HDAC9: variants seen among roughly 807,000 people sequenced by gnomAD.
The protein encoded by HDAC9 is MEF-2 interacting transcription repressor (MITR) protein.
In HDAC9, 41 loss-of-function variants were observed where a neutral mutation model predicts 139.4. That is an observed-to-expected ratio of 0.29 (90% CI 0.23 to 0.38). The LOEUF (loss-of-function observed/expected upper bound fraction) is 0.38, where lower values mean the gene tolerates loss of function less well. Ranked by LOEUF, HDAC9 falls within the 10% of genes least tolerant of loss-of-function variation. HDAC9 has a pLI of 1.00. For synonymous variants in HDAC9, 517 were observed against 476.2 expected (o/e 1.09, Z -1.12); for missense variants, 1,147 against 1,297.0 (o/e 0.88, Z 1.78).
At chr7:18,354,960 G>GTTTC (rs1554387926) in intron 1 of HDAC9, among the ~76,000 whole-genome samples, 2 of 152,138 alleles carry the variant, frequency 1.3e-5, no homozygotes, top group Non-Finnish European at 2.9e-5. Flanking sequence ...TGGTCTTGAA[G>GTTTC]AGCCATAGAG....
rs1357934149 is a variant in HDAC9 at position 18,998,023 on chromosome 7, C to CCAAT, written c.*1964_*1967dup. The CCAAT allele has an allele frequency of 5.3e-5, 8 of 151,952 alleles. No individual in the cohort carries two copies. The highest frequency in any genetic ancestry group is 1.9e-4 in the African/African-American group (8 of 41,368). The allele number at this position is 151,952 out of a possible 1,614,324, so 9.4% of individuals were successfully genotyped here. ...ATTTTATTTTCATGAGAAATTCATA[C>CCAAT]CAATCATATTTGCTAGCTTATGTTA... On this transcript the variant is annotated 3_prime_UTR_variant, in exon 26 of 26. Transcript: ENST00000686413.
At chr7:18,311,307 T>C (rs1799303765) in intron 1 of HDAC9, among the ~76,000 whole-genome samples, 1 of 152,126 alleles carries the variant, frequency 6.6e-6, no homozygotes. Flanking sequence ...GGTACATATA[T>C]ACTTCCTTTA....
chr7:18,096,560 A>G (rs1782513084), intron 1 of HDAC9, among the ~76,000 whole-genome samples: 1 of 152,204 alleles, frequency 6.6e-6, no homozygotes, highest in Admixed American at 6.5e-5. Flanking sequence ...CACAGTTGCA[A>G]ATGTTAATTG....
intron 1 of HDAC9, among the ~76,000 whole-genome samples, chr7:18,488,365 T>G (rs1796124040): frequency 6.6e-6 from 1 of 152,036 alleles, no homozygotes; most frequent in East Asian, 1.9e-4. Flanking sequence ...ACTGATACAT[T>G]CAGGCATATG....
chr7:18,788,925 G>A (rs150636462), intron 16 of HDAC9, among the ~76,000 whole-genome samples: 1 of 152,100 alleles, frequency 6.6e-6, no homozygotes, highest in Non-Finnish European at 1.5e-5. Context: ...AGGACCAGAA[G>A]AGATGGATTT....
Position 18,748,996 on chromosome 7 carries a change from G to T in HDAC9, c.1910-9G>T, listed in dbSNP as rs1788222351. 6.2e-7 allele frequency: 1 copy of T among 1,612,652 alleles called. No homozygotes were observed. Among genetic ancestry groups the T allele is most frequent in the Admixed American group, 1.7e-5 (1 of 59,834 alleles). On this transcript the variant is annotated splice_polypyrimidine_tract_variant and intron_variant, in intron 13 of 25. Coordinates refer to ENST00000686413, the MANE Select transcript of HDAC9 (RefSeq NM_178425.4). ...CTCAATCTTGTCCTGTATTTCCCTT[G>T]TCTTAAAGGAATTGCCTATGACCCC...
intron 2 of HDAC9, among the ~76,000 whole-genome samples, chr7:18,183,201 G>A (rs371504440): frequency 4.7e-4 from 71 of 150,854 alleles, no homozygotes; most frequent in African/African-American, 1.5e-3. Context: ...AGTAGAGACG[G>A]GGTTTCACCG....
chr7:18,973,234 C>T (rs1408928437), intron 24 of HDAC9, among the ~76,000 whole-genome samples: 1 of 152,114 alleles, frequency 6.6e-6, no homozygotes, highest in Non-Finnish European at 1.5e-5. Context: ...GCTAGTTTGT[C>T]TTTCCTCTAG....
chr7:18,566,323 T>TAAA (rs1822333476), intron 2 of HDAC9, among the ~76,000 whole-genome samples: 1 of 152,250 alleles, frequency 6.6e-6, no homozygotes, highest in African/African-American at 2.4e-5. Flanking sequence ...TCAGAGTTCC[T>TAAA]GCTTTCAATT....
intron 17 of HDAC9, among the ~76,000 whole-genome samples, chr7:18,800,581 C>G (rs1388445424): frequency 6.6e-6 from 1 of 151,914 alleles, no homozygotes; most frequent in South Asian, 2.1e-4. Context: ...GCCTGTAATC[C>G]CAGCACTTAA....
intron 1 of HDAC9, among the ~76,000 whole-genome samples, chr7:18,480,325 CTA>C (rs1795457110): frequency 6.6e-6 from 1 of 152,128 alleles, no homozygotes. Context: ...GAGTCCGAAT[CTA>C]TGTTTTTTCT....
At chr7:18,302,268 T>C (rs563135661) in intron 1 of HDAC9, among the ~76,000 whole-genome samples, 4 of 152,332 alleles carry the variant, frequency 2.6e-5, no homozygotes, top group Admixed American at 2.0e-4. Context: ...AGTTCTCTAA[T>C]TGTGGTTCTG....
intron 22 of HDAC9, among the ~76,000 whole-genome samples, chr7:18,923,480 G>A (rs1009119202): frequency 3.3e-5 from 5 of 151,932 alleles, no homozygotes; most frequent in African/African-American, 1.2e-4. Flanking sequence ...TACATACCCA[G>A]CTATTCCCCA....
intron 1 of HDAC9, among the ~76,000 whole-genome samples, chr7:18,378,998 G>A (rs1785212975): frequency 1.3e-5 from 2 of 152,152 alleles, no homozygotes; most frequent in Non-Finnish European, 2.9e-5. Flanking sequence ...TTGCTTTTTA[G>A]AAGATTTATA....
chr7:18,362,279 C>T (rs1783842388), intron 1 of HDAC9, among the ~76,000 whole-genome samples: 1 of 152,172 alleles, frequency 6.6e-6, no homozygotes, highest in Admixed American at 6.5e-5. Flanking sequence ...GAATAGAAAT[C>T]TGTGATGCTT....
chr7:18,305,324 G>T (rs985522622), intron 1 of HDAC9, among the ~76,000 whole-genome samples: 1 of 152,064 alleles, frequency 6.6e-6, no homozygotes, highest in East Asian at 1.9e-4. Context: ...CACATAGCAG[G>T]TTCTCAATAA....
chr7:18,271,645 T>C (rs1159815521), intron 2 of HDAC9, among the ~76,000 whole-genome samples: 1 of 152,212 alleles, frequency 6.6e-6, no homozygotes, highest in East Asian at 1.9e-4. Flanking sequence ...ACATTTTTAT[T>C]AAGCCTTAGT....
At chr7:18,862,450 A>C (rs572552541) in intron 21 of HDAC9, among the ~76,000 whole-genome samples, 77 of 152,222 alleles carry the variant, frequency 5.1e-4, no homozygotes, top group Non-Finnish European at 9.8e-4. Context: ...AGTGCCAAGA[A>C]CAGAAATTGA....
chr7:18,258,182 A>G (rs540091927), intron 2 of HDAC9, among the ~76,000 whole-genome samples: 6 of 152,328 alleles, frequency 3.9e-5, no homozygotes, highest in South Asian at 2.1e-4. Flanking sequence ...AAATTCTTTT[A>G]CTGGTTAAGC....
Sources: gnomAD v4.1 joint callset for allele counts (sites outside exome capture counted in the v4.1 genomes callset) on GRCh38, gnomAD v4.1.1 for gene constraint, MANE v1.5 for transcripts, NCBI Gene and HGNC (gene_info 2026-07-23, HGNC 2026-07-21) for gene names.